Variants in ITPRID2 observed in about 807,000 individuals in gnomAD.
ITPRID2 encodes the protein protein ITPRID2.
In ITPRID2, 60 loss-of-function variants were observed where a neutral mutation model predicts 124.3. That is an observed-to-expected ratio of 0.48 (90% CI 0.39 to 0.60). The LOEUF is 0.60. ITPRID2 is among the 20% of genes least tolerant of loss of function. The pLI is 0.00. For missense variants in ITPRID2, 1,553 were observed against 1,512.2 expected, an observed-to-expected ratio of 1.03 and a Z score of -0.45; for synonymous variants, 521 against 542.9, an observed-to-expected ratio of 0.96 and a Z score of 0.56.
chr2:181,923,232 G>A (rs991735589), intron 16 of ITPRID2, among the ~76,000 whole-genome samples: 2 of 152,074 alleles, frequency 1.3e-5, no homozygotes, highest in Admixed American at 6.5e-5. Flanking sequence ...AGAATATATC[G>A]TTTAAACAGC....
chr2:181,907,970 A>G lies in ITPRID2; in HGVS notation c.1414-1929A>G, dbSNP rs1269370905. The stretch of plus-strand genomic sequence containing the variant: ...AGTAGATTTGTTTTTGCCATTGAGT[A>G]GCATCTTGAAGAATAGAATGCTGAT... On this transcript the variant is annotated intron_variant, in intron 8 of 17. Transcript: ENST00000431877. The surrounding 1 kb of genome is among the most constrained non-coding windows in gnomAD (Gnocchi z 5.1). Among the ~76,000 whole-genome samples the G allele has an allele frequency of 1.3e-5, 2 of 152,234 alleles. No individual in the cohort carries two copies. Among genetic ancestry groups the G allele is most frequent in the African/African-American group, 4.8e-5 (2 of 41,464 alleles).
Position 181,928,216 on chromosome 2 carries a change from C to CA in ITPRID2, c.3732dup (p.Ala1245SerfsTer6). The CA allele has an allele frequency of 1.3e-6, 2 of 1,550,834 alleles. No individual in the cohort carries two copies. The highest frequency in any genetic ancestry group is 1.7e-6 in the Non-Finnish European group (2 of 1,146,534). ...CGGGAAATTGTAAGTGGACTTTTGG[C>CA]AGCAGTATCTTCAAGTAAAGCGTCT... On this transcript the variant is annotated frameshift_variant, in exon 17 of 18. Coordinates refer to ENST00000431877, the MANE Select transcript of ITPRID2 (RefSeq NM_001130445.3). LOFTEE classifies it high-confidence loss of function.
chr2:181,910,746 C>G lies in ITPRID2; in HGVS notation c.1486+775C>G, dbSNP rs1693541550. 1 of 538,376 alleles carries G rather than the reference C, an allele frequency of 1.9e-6. No homozygotes were observed. Among genetic ancestry groups the G allele is most frequent in the East Asian group, 3.2e-5 (1 of 30,842 alleles). 33.3% of individuals were successfully genotyped at this position (538,376 alleles called of 1,614,324 possible). On this transcript the variant is annotated intron_variant, in intron 9 of 17. Transcript: ENST00000431877. The surrounding 1 kb of genome is among the most constrained non-coding windows in gnomAD (Gnocchi z 4.1). ...AATTACATGTTTGTTGTCTCCTGAT[C>G]TCTGAAATTACTTCACAGGAGACAA...
chr2:181,926,509 C>G (rs570154678), intron 16 of ITPRID2, among the ~76,000 whole-genome samples: 1 of 151,980 alleles, frequency 6.6e-6, no homozygotes, highest in South Asian at 2.1e-4. Flanking sequence ...GTCAGGAGAT[C>G]GAGACCATCT....
At chr2:181,924,100 T>C (rs2091278455) in intron 16 of ITPRID2, among the ~76,000 whole-genome samples, 1 of 152,196 alleles carries the variant, frequency 6.6e-6, no homozygotes, top group Non-Finnish European at 1.5e-5. Flanking sequence ...TAGTTCTGAA[T>C]TTGGCATAGG....
At position 181,920,625 on chromosome 2, in the gene ITPRID2, A is replaced by C; in HGVS notation, c.3173A>C (p.Asn1058Thr). ...ATGTGTGGCAGTAGAAGCGCTGATA[A>C]CTTGTCATGCCCTTCTCCATTGAAT... Reference protein sequence around the residue: ...MGMCGSRSADNLSCPSPLNVM... With the variant: ...MGMCGSRSADTLSCPSPLNVM... Residue 1058 changes from asparagine to threonine, a missense_variant, in exon 15 of 18, where the codon AAC becomes ACC. Physicochemically the swap from Asn to Thr is moderately conservative, Grantham distance 65. Coordinates refer to ENST00000431877, the MANE Select transcript of ITPRID2 (RefSeq NM_001130445.3). The C allele has an allele frequency of 6.2e-7, 1 of 1,613,542 alleles. No individual in the cohort carries two copies. The highest frequency in any genetic ancestry group is 2.2e-5 in the East Asian group (1 of 44,822).
At position 181,892,197 on chromosome 2, in the gene ITPRID2, C is replaced by G; in HGVS notation, c.131C>G (p.Thr44Arg). Residue 44 changes from threonine to arginine, a missense_variant, in exon 1 of 18, where the codon ACA becomes AGA. Transcript: ENST00000431877. The surrounding 1 kb of genome is among the most constrained non-coding windows in gnomAD (Gnocchi z 5.2). ...GCGTCGGAGACGGAGGATCTGTCCA[C>G]AGAAGCGACGACGCAGGACGAGGAG... ...WQASETEDLS[T>R]EATTQDEEED... The G allele has an allele frequency of 6.4e-7, 1 of 1,553,036 alleles. No individual in the cohort carries two copies. The highest frequency in any genetic ancestry group is 8.7e-7 in the Non-Finnish European group (1 of 1,148,132).
At chr2:181,911,300 T>G (rs1693586678) in intron 9 of ITPRID2, among the ~76,000 whole-genome samples, 1 of 152,152 alleles carries the variant, frequency 6.6e-6, no homozygotes, top group African/African-American at 2.4e-5. Context: ...CTTCAAAAGT[T>G]TAGGAAAAAT....
At chr2:181,922,504 G>A in intron 16 of ITPRID2, 92 bp downstream of exon 16, 2 of 1,190,156 alleles carry the variant, frequency 1.7e-6, no homozygotes, top group Non-Finnish European at 2.3e-6. Context: ...ATGTTCTTTT[G>A]ATTCACTGTA....
chr2:181,915,254 T>C lies in ITPRID2; in HGVS notation c.1614T>C (p.Asp538=). The stretch of plus-strand genomic sequence containing the variant: ...TGCAGGCTATGGGGAGTAGTGCTGA[T>C]AGTTGTGACAGTGAGACAACAGTTA... ...ESLQAMGSSA[D]SCDSETTVTS... is the part of the protein sequence containing the mutation. Residue 538 remains aspartate, a synonymous_variant, in exon 11 of 18, where the codon GAT becomes GAC. Coordinates refer to ENST00000431877, the MANE Select transcript of ITPRID2 (RefSeq NM_001130445.3). 6.2e-7 allele frequency: 1 copy of C among 1,614,186 alleles called. No individual in the cohort carries two copies. Among genetic ancestry groups the C allele is most frequent in the South Asian group, 1.1e-5 (1 of 91,078 alleles).
At chr2:181,897,045 A>G (rs989731259) in intron 4 of ITPRID2, 81 bp downstream of exon 4, 2 of 1,193,530 alleles carry the variant, frequency 1.7e-6, no homozygotes, top group Non-Finnish European at 2.5e-6. Context: ...TTTCAGGTTT[A>G]TGATCCTCAA....
intron 11 of ITPRID2, chr2:181,918,251 A>T: frequency 4.0e-6 from 4 of 997,046 alleles, no homozygotes; most frequent in Non-Finnish European, 4.8e-6. Context: ...CAAAGTTAAT[A>T]ATCACTATAA....
intron 8 of ITPRID2, among the ~76,000 whole-genome samples, chr2:181,906,739 A>T (rs986314275): frequency 2.7e-5 from 4 of 150,520 alleles, no homozygotes; most frequent in African/African-American, 9.9e-5. Context: ...ACCTTGTTTC[A>T]AAAAAATGAA....
Position 181,922,252 on chromosome 2 carries a change from T to C in ITPRID2, c.3515T>C (p.Leu1172Ser), listed in dbSNP as rs552774062. The change falls in exon 16 of 18, where the codon TTG (leucine) becomes TCG (serine). Residue 1172 changes from leucine to serine, a missense_variant. By Grantham distance (145) the Leu-to-Ser change is moderately radical (BLOSUM62 -2). Transcript: ENST00000431877. Reference sequence around the variant, plus strand: ...GGCTCTGTGCAGACACCTCCAGATTTGGAAAGTTCTGAGGAAGTTGATGCA... The same window carrying C: ...GGCTCTGTGCAGACACCTCCAGATTCGGAAAGTTCTGAGGAAGTTGATGCA... ...RTGSVQTPPD[L>S]ESSEEVDAAE... 34 of 1,614,084 alleles carry C rather than the reference T, an allele frequency of 2.1e-5. No individual in the cohort carries two copies. Among genetic ancestry groups the C allele is most frequent in the Non-Finnish European group, 2.6e-5 (31 of 1,180,042 alleles).
At position 181,891,860 on chromosome 2, in the gene ITPRID2, T is replaced by A. The variant is rs531528399; in HGVS notation, c.-207T>A. The A allele has an allele frequency of 2.4e-5, 8 of 334,862 alleles. No homozygotes were observed. Among genetic ancestry groups the A allele is most frequent in the South Asian group, 7.9e-5 (3 of 37,896 alleles). 20.7% of individuals were successfully genotyped at this position (334,862 alleles called of 1,614,324 possible). ...TCCCGCGCGCGCCCGGCCGCCTTCA[T>A]GTGAAGCGCCGGCCCTCCGCCCCTT... On this transcript the variant is annotated 5_prime_UTR_variant, in exon 1 of 18. It removes an upstream start codon present in the reference 5' UTR. Coordinates refer to ENST00000431877, the MANE Select transcript of ITPRID2 (RefSeq NM_001130445.3).
chr2:181,923,070 A>G (rs1158739248), intron 16 of ITPRID2, among the ~76,000 whole-genome samples: 1 of 152,234 alleles, frequency 6.6e-6, no homozygotes, highest in Non-Finnish European at 1.5e-5. Flanking sequence ...CCTAGGTGAT[A>G]GCAGCATAAG....
intron 8 of ITPRID2, among the ~76,000 whole-genome samples, chr2:181,909,261 A>C (rs560101099): frequency 6.6e-6 from 1 of 152,342 alleles, no homozygotes; most frequent in East Asian, 1.9e-4. Context: ...ATTTCAGGAC[A>C]AAGCAGTCTT....
At chr2:181,928,125 T>C (rs1196401708) in intron 16 of ITPRID2, 36 bp from the exon 17 acceptor site, 8 of 1,344,934 alleles carry the variant, frequency 5.9e-6, no homozygotes, top group Admixed American at 2.6e-5. Flanking sequence ...TCCATTCATA[T>C]TGGTAAATTT....
At position 181,900,868 on chromosome 2, in the gene ITPRID2, C is replaced by A; in HGVS notation, c.676C>A (p.Arg226=). The A allele has an allele frequency of 3.7e-6, 6 of 1,611,354 alleles. No homozygotes were observed. Among genetic ancestry groups the A allele is most frequent in the Non-Finnish European group, 5.1e-6 (6 of 1,179,010 alleles). The change falls in exon 7 of 18, where the codon CGG becomes AGG. Residue 226 remains arginine (R), a synonymous_variant. Transcript: ENST00000431877. ...IKVFLSAQMQ[R]MEVENPNYAL... ...AGTATTTTTGAGTGCTCAGATGCAA[C>A]GGATGGAAGTAGAAAACCCAAATTA...
Sources: gnomAD v4.1 joint callset for allele counts (sites outside exome capture counted in the v4.1 genomes callset) on GRCh38, gnomAD v4.1.1 for gene constraint, Gnocchi (gnomAD v3.1) non-coding constraint, MANE v1.5 for transcripts, NCBI Gene and HGNC (gene_info 2026-07-23, HGNC 2026-07-21) for gene names.